Variants in CYFIP2 observed in about 807,000 individuals in gnomAD.
CYFIP2 encodes cytoplasmic FMR1 interacting protein 2, also known as cytoplasmic FMR1-interacting protein 2.
A neutral mutation model predicts 158.7 loss-of-function variants in CYFIP2; 29 were observed. The observed-to-expected ratio is 0.18, with a 90% CI of 0.14 to 0.25. The LOEUF (loss-of-function observed/expected upper bound fraction) is 0.25. Among genes scored for constraint, CYFIP2 ranks in the 10% least tolerant of loss-of-function variants. The pLI is 1.00. For synonymous variants in CYFIP2, 585 were observed against 617.6 expected (o/e 0.95, Z 0.78); for missense variants, 852 against 1,639.5 (o/e 0.52, Z 8.29).
chr5:157,339,293 G>T (rs765894989), intron 22 of CYFIP2, 37 bp downstream of exon 22: 76 of 1,531,906 alleles, frequency 5.0e-5, no homozygotes, highest in Middle Eastern at 2.1e-4. Context: ...CCGGGTGGGG[G>T]TTGGGGGAGT....
Position 157,370,444 on chromosome 5 carries a change from T to A in CYFIP2, c.3039+8846T>A, listed in dbSNP as rs548128346. 3.4e-4 allele frequency among the ~76,000 whole-genome samples: 52 copies of A among 152,330 alleles called. No individual in the cohort carries two copies. The South Asian group carries it at 0.011, about 31-fold the overall frequency. ...ATTAGAAAGCAACCAGAATAATACA[T>A]TCAATCAATCAAAATACAGCAAAGT... On this transcript the variant is annotated intron_variant, in intron 26 of 30. Transcript: ENST00000620254.
At chr5:157,326,819 C>T (rs1353760822) in intron 18 of CYFIP2, among the ~76,000 whole-genome samples, 1 of 152,144 alleles carries the variant, frequency 6.6e-6, no homozygotes, top group Admixed American at 6.5e-5. Context: ...TCAGAGGCCT[C>T]GGTGACCTGG....
In CYFIP2 at chr5:157,289,427, T is replaced by C. The variant is rs547057010; in HGVS notation, c.207+2319T>C. 2.6e-5 allele frequency among the ~76,000 whole-genome samples: 4 copies of C among 152,374 alleles called. No individual in the cohort carries two copies. The East Asian group carries it at 7.7e-4, about 29-fold the overall frequency. On this transcript the variant is annotated intron_variant, in intron 3 of 30. Coordinates refer to ENST00000620254, the MANE Select transcript of CYFIP2 (RefSeq NM_001037333.3). ...CCTTAACAAAGTGCCACAGACTAAA[T>C]GGCTTAAACAGCAAAAATGTATTTC... is the stretch of plus-strand genomic sequence containing the variant.
chr5:157,274,651 G>A lies in CYFIP2; in HGVS notation c.-24+8456G>A, dbSNP rs114128609. ...TTAAAAATTTGAGGAAATACCAATC[G>A]ATTTTCCAAAGTTGCGGCACCATCT... On this transcript the variant is annotated intron_variant, in intron 1 of 30. Transcript: ENST00000620254. Among the ~76,000 whole-genome samples the A allele has an allele frequency of 8.3e-3, 1,261 of 152,258 alleles. 17 individuals are homozygous for A. Among genetic ancestry groups the A allele is most frequent in the African/African-American group, 0.029 (1,196 of 41,546 alleles).
At chr5:157,276,383 G>A (rs1211700113) in intron 1 of CYFIP2, among the ~76,000 whole-genome samples, 1 of 152,096 alleles carries the variant, frequency 6.6e-6, no homozygotes, top group Non-Finnish European at 1.5e-5. Context: ...GTATTGAGAT[G>A]ATATGGTTTC....
chr5:157,359,147 T>C lies in CYFIP2; in HGVS notation c.2816T>C (p.Leu939Ser). The part of the protein sequence containing the change: ...MEELLKIVKS[L>S]LQGTILQYVK... Reference sequence around the variant, plus strand: ...GAACTGCTAAAGATTGTGAAGAGCTTGGTAAGGAAAGGCCTCAGTGTGGCT... The same window carrying C: ...GAACTGCTAAAGATTGTGAAGAGCTCGGTAAGGAAAGGCCTCAGTGTGGCT... The change falls in exon 24 of 31, where the codon TTG (leucine) becomes TCG (serine). Residue 939 changes from leucine to serine, a missense_variant and splice_region_variant. Transcript: ENST00000620254. The C allele has an allele frequency of 6.2e-7, 1 of 1,613,960 alleles. No homozygotes were observed. Among genetic ancestry groups the C allele is most frequent in the African/African-American group, 1.3e-5 (1 of 75,050 alleles).
chr5:157,319,849 G>T lies in CYFIP2; in HGVS notation c.1444G>T (p.Ala482Ser). ...NQAIRNTIYA[A>S]LQDFAQVTLR... ...GGCCATCAGGAACACCATCTACGCG[G>T]CATTGCAGGACTTCGCCCAGGTGAC... is the stretch of plus-strand genomic sequence containing the variant. The change falls in exon 14 of 31, where the codon GCA becomes TCA. Residue 482 changes from alanine (A) to serine (S), a missense_variant. By Grantham distance (99) the Ala-to-Ser change is moderately conservative (BLOSUM62 1). This residue lies in a region of CYFIP2 where 167 missense variants were observed against 343.3 expected (regional missense o/e 0.49). Transcript: ENST00000620254. The T allele has an allele frequency of 6.2e-7, 1 of 1,614,098 alleles. No homozygotes were observed. Among genetic ancestry groups the T allele is most frequent in the Non-Finnish European group, 8.5e-7 (1 of 1,179,918 alleles).
intron 26 of CYFIP2, among the ~76,000 whole-genome samples, chr5:157,370,182 CCCAGATGTTTTAAAAG>C (rs1464653663): frequency 1.3e-5 from 2 of 152,090 alleles, no homozygotes; most frequent in Non-Finnish European, 2.9e-5. Context: ...CCTGGCCAGA[CCCAGATGTTTTAAAAG>C]CTCCACACTT....
Position 157,311,539 on chromosome 5 carries a change from G to A in CYFIP2, c.993-125G>A, listed in dbSNP as rs1324006817. Reference sequence around the variant, plus strand: ...AGCAGGCTTTCTTGCTGAGGCGGCTGGGATACCATTTGGTGTCACCCAGGG... The same window carrying A: ...AGCAGGCTTTCTTGCTGAGGCGGCTAGGATACCATTTGGTGTCACCCAGGG... On this transcript the variant is annotated intron_variant, in intron 10 of 30. Transcript: ENST00000620254. This position sits in a 1 kb window ranked among gnomAD's most constrained non-coding sequence, Gnocchi z 4.7. The A allele has an allele frequency of 5.4e-6, 4 of 740,042 alleles. No individual in the cohort carries two copies. The allele number at this position is 740,042 out of a possible 1,614,324, so 45.8% of individuals were successfully genotyped here. A position where few individuals can be genotyped will look rare whatever the true frequency, so the allele number is the denominator to read the frequency against.
At chr5:157,353,818 G>T (rs1561757793) in intron 23 of CYFIP2, among the ~76,000 whole-genome samples, 1 of 152,158 alleles carries the variant, frequency 6.6e-6, no homozygotes, top group Non-Finnish European at 1.5e-5. Flanking sequence ...AATTCCTCTT[G>T]GGATCTCTGA....
intron 3 of CYFIP2, 104 bp downstream of exon 3, chr5:157,287,212 C>A (rs904142495): frequency 1.1e-5 from 9 of 828,036 alleles, no homozygotes; most frequent in South Asian, 8.7e-5. Flanking sequence ...ACTCTAAGAA[C>A]CCCCTGCCTC....
At position 157,361,808 on chromosome 5, in the gene CYFIP2, C is replaced by T. The variant is rs1437440220; in HGVS notation, c.3039+210C>T. ...TGTCTAGGTCTCAGTTTGCCATTCC[C>T]TCATGTTATGGAACCAAACTGGGGT... is the stretch of plus-strand genomic sequence containing the variant. On this transcript the variant is annotated intron_variant, in intron 26 of 30. Transcript: ENST00000620254. The surrounding 1 kb of genome is among the most constrained non-coding windows in gnomAD (Gnocchi z 4.4). Among the ~76,000 whole-genome samples the T allele has an allele frequency of 6.6e-6, 1 of 152,154 alleles. No individual in the cohort carries two copies. The highest frequency in any genetic ancestry group is 1.5e-5 in the Non-Finnish European group (1 of 68,032).
chr5:157,292,151 T>C (rs922436948), intron 3 of CYFIP2, among the ~76,000 whole-genome samples: 1 of 152,174 alleles, frequency 6.6e-6, no homozygotes, highest in Non-Finnish European at 1.5e-5. Context: ...ATGGACCTTT[T>C]GTGTCTGGCT....
rs150951134 is a variant in CYFIP2 at position 157,290,311 on chromosome 5, A to G, written c.207+3203A>G. ...GCATTCCTTCTGCAGGCTCCAGGAG[A>G]AAGTCTGTTCCCTTGCCTTTTCCAG... On this transcript the variant is annotated intron_variant, in intron 3 of 30. Coordinates refer to ENST00000620254, the MANE Select transcript of CYFIP2 (RefSeq NM_001037333.3). Among the ~76,000 whole-genome samples, 24 of 152,280 alleles carry G rather than the reference A, an allele frequency of 1.6e-4. No individual in the cohort carries two copies. The East Asian group carries it at 2.5e-3, about 16-fold the overall frequency.
chr5:157,392,691 A>T, intron 30 of CYFIP2, 142 bp from the exon 31 acceptor site: 1 of 906,052 alleles, frequency 1.1e-6, no homozygotes, highest in Non-Finnish European at 1.7e-6. Flanking sequence ...TGCCAGATCC[A>T]GGGGATTCCA....
intron 26 of CYFIP2, chr5:157,364,238 G>A (rs923290361): frequency 2.0e-5 from 3 of 147,974 alleles, no homozygotes; most frequent in Non-Finnish European, 3.0e-5. Flanking sequence ...CTCAGTCCCC[G>A]AGTGTCTCCT....
chr5:157,348,928 C>T (rs901624771), intron 23 of CYFIP2, among the ~76,000 whole-genome samples: 7 of 147,656 alleles, frequency 4.7e-5, no homozygotes, highest in East Asian at 4.0e-4. Context: ...CCAGCCTGGG[C>T]GACAGTGGAA....
At chr5:157,388,869 A>C (rs949686959) in intron 28 of CYFIP2, among the ~76,000 whole-genome samples, 1 of 152,250 alleles carries the variant, frequency 6.6e-6, no homozygotes, top group Admixed American at 6.5e-5. Flanking sequence ...TAATTATAGT[A>C]GAAGCAGTAG....
chr5:157,364,163 G>A (rs1764120470), intron 26 of CYFIP2: 1 of 139,104 alleles, frequency 7.2e-6, no homozygotes, highest in Admixed American at 7.6e-5. Flanking sequence ...AACTTCTGAA[G>A]GCCTCAGGGG....
Sources: allele counts gnomAD v4.1 joint callset (sites outside exome capture counted in the v4.1 genomes callset), GRCh38; gene constraint gnomAD v4.1.1; regional missense constraint gnomAD v4.1.1; non-coding constraint Gnocchi (gnomAD v3.1); transcripts MANE v1.5; gene names NCBI Gene and HGNC (gene_info 2026-07-23, HGNC 2026-07-21).